TBC1D5: variants seen among roughly 807,000 people sequenced by gnomAD.
TBC1D5 encodes the protein TBC1 domain family, member 5.
A neutral mutation model predicts 100.3 loss-of-function variants in TBC1D5; 75 were observed. The observed-to-expected ratio is 0.75, with a 90% CI of 0.62 to 0.91. TBC1D5 has a LOEUF of 0.91. Among genes scored for constraint, TBC1D5 ranks in the 40% least tolerant of loss-of-function variants. TBC1D5 has a pLI of 0.00. For synonymous variants in TBC1D5, 323 were observed against 325.6 expected (o/e 0.99, Z 0.09); for missense variants, 910 against 942.4 (o/e 0.97, Z 0.45).
intron 17 of TBC1D5, among the ~76,000 whole-genome samples, chr3:17,228,040 G>T (rs2075079366): frequency 6.6e-6 from 1 of 151,984 alleles, no homozygotes; most frequent in Admixed American, 6.6e-5. Context: ...TTTCATTGGT[G>T]GTTGATGGCA....
chr3:17,495,657 G>A (rs2095697897), intron 3 of TBC1D5, among the ~76,000 whole-genome samples: 1 of 152,152 alleles, frequency 6.6e-6, no homozygotes, highest in African/African-American at 2.4e-5. Flanking sequence ...CCACAGGAGT[G>A]GAAAAGCTTG....
chr3:17,251,976 C>T (rs527671216), intron 16 of TBC1D5, among the ~76,000 whole-genome samples: 3 of 152,304 alleles, frequency 2.0e-5, no homozygotes, highest in East Asian at 1.9e-4. Flanking sequence ...AGTCACAGAA[C>T]AGAACTTCAT....
intron 3 of TBC1D5, among the ~76,000 whole-genome samples, chr3:17,471,162 T>C (rs1559959906): frequency 6.6e-6 from 1 of 152,176 alleles, no homozygotes; most frequent in Non-Finnish European, 1.5e-5. Context: ...TAGATGGAAT[T>C]GCAGCCCAGA....
chr3:17,454,311 G>T (rs561607292), intron 3 of TBC1D5, among the ~76,000 whole-genome samples: 25 of 151,932 alleles, frequency 1.6e-4, no homozygotes, highest in African/African-American at 3.6e-4. Flanking sequence ...TATCCGAATT[G>T]GAAAATAAAA....
chr3:17,356,700 C>G (rs1333038393), intron 13 of TBC1D5, among the ~76,000 whole-genome samples: 1 of 152,110 alleles, frequency 6.6e-6, no homozygotes, highest in Non-Finnish European at 1.5e-5. Context: ...CCAACTAGAA[C>G]AGAGTGAGCA....
chr3:17,615,732 A>T (rs1473441478), intron 2 of TBC1D5, among the ~76,000 whole-genome samples: 1 of 152,192 alleles, frequency 6.6e-6, no homozygotes, highest in African/African-American at 2.4e-5. Context: ...CAGTGATAAT[A>T]TTCCCTTTAT....
At chr3:17,676,183 G>A (rs1459318442) in intron 1 of TBC1D5, among the ~76,000 whole-genome samples, 2 of 151,926 alleles carry the variant, frequency 1.3e-5, no homozygotes, top group African/African-American at 4.8e-5. Flanking sequence ...AATTGAAATA[G>A]GATTAAAATA....
chr3:17,282,215 G>T (rs1428355911), intron 15 of TBC1D5, among the ~76,000 whole-genome samples: 1 of 152,192 alleles, frequency 6.6e-6, no homozygotes, highest in Non-Finnish European at 1.5e-5. Context: ...CAAGTCGGCG[G>T]TAAAGGAGGG....
chr3:17,161,180 C>CCAT (rs766955084), exon 22 of TBC1D5: 276 of 1,614,206 alleles, frequency 1.7e-4, no homozygotes, highest in Non-Finnish European at 2.2e-4. Flanking sequence ...GGCACTGCTC[C>CCAT]CATCATCATC....
chr3:17,623,484 G>A (rs539116261), intron 2 of TBC1D5, among the ~76,000 whole-genome samples: 5 of 152,150 alleles, frequency 3.3e-5, no homozygotes, highest in African/African-American at 7.2e-5. Context: ...ATCTGCTGAT[G>A]ATTATGTTTT....
At chr3:17,542,253 T>C (rs1403608973) in intron 2 of TBC1D5, among the ~76,000 whole-genome samples, 1 of 152,150 alleles carries the variant, frequency 6.6e-6, no homozygotes, top group Non-Finnish European at 1.5e-5. Context: ...ATTGCACCAC[T>C]GCACTCCAGC....
At chr3:17,160,738 G>T (rs941021166) in exon 22 of TBC1D5, 1 of 554,202 alleles carries the variant, frequency 1.8e-6, no homozygotes. Context: ...TGGGGATTAG[G>T]TAAGGGCCCA....
intron 19 of TBC1D5, among the ~76,000 whole-genome samples, chr3:17,168,191 T>A (rs149559814): frequency 1.3e-5 from 2 of 152,326 alleles, no homozygotes; most frequent in African/African-American, 2.4e-5. Flanking sequence ...CTGTATAGCC[T>A]CATGGGTCAA....
chr3:17,630,988 G>A (rs1207471753), intron 1 of TBC1D5, among the ~76,000 whole-genome samples: 1 of 147,166 alleles, frequency 6.8e-6, no homozygotes, highest in Non-Finnish European at 1.5e-5. Context: ...ACGTTGCAGT[G>A]AGCCGAGATG....
At chr3:17,634,358 G>T (rs925909854) in intron 1 of TBC1D5, among the ~76,000 whole-genome samples, 3 of 152,096 alleles carry the variant, frequency 2.0e-5, no homozygotes, top group African/African-American at 7.2e-5. Context: ...TAAAGAAAAT[G>T]TGCTACATAT....
At chr3:17,610,707 A>C (rs185933050) in intron 2 of TBC1D5, among the ~76,000 whole-genome samples, 1 of 152,328 alleles carries the variant, frequency 6.6e-6, no homozygotes, top group East Asian at 1.9e-4. Flanking sequence ...TCTAGCAGAA[A>C]GTCGCTCCTT....
rs2093971722 is a variant in TBC1D5 at position 17,412,884 on chromosome 3, AT to A, written c.168-6359del. Among the ~76,000 whole-genome samples, 3 of 152,290 alleles carry A rather than the reference AT, an allele frequency of 2.0e-5. No individual in the cohort carries two copies. The South Asian group carries it at 6.2e-4, about 32-fold the overall frequency. On this transcript the variant is annotated intron_variant, in intron 4 of 21. Transcript: ENST00000253692. ...GATTCTCCAGACACCAAGAGCAAAA[AT>A]GACCTCTGGCAACAAGGCAATATAG...
intron 3 of TBC1D5, among the ~76,000 whole-genome samples, chr3:17,429,288 C>T (rs1482200817): frequency 4.0e-5 from 6 of 151,592 alleles, no homozygotes; most frequent in East Asian, 1.9e-4. Context: ...ACCAATGCCC[C>T]GTTGTTATAT....
At chr3:17,484,012 A>C (rs549190174) in intron 3 of TBC1D5, among the ~76,000 whole-genome samples, 16 of 152,296 alleles carry the variant, frequency 1.1e-4, no homozygotes, top group Admixed American at 5.2e-4. Context: ...CAAAACCATT[A>C]GACAACTGGA....
Sources: gnomAD v4.1 joint callset for allele counts (sites outside exome capture counted in the v4.1 genomes callset) on GRCh38, gnomAD v4.1.1 for gene constraint, MANE v1.5 for transcripts, NCBI Gene and HGNC (gene_info 2026-07-23, HGNC 2026-07-21) for gene names.